FAM120A: variants seen among roughly 807,000 people sequenced by gnomAD.
FAM120A encodes the protein family with sequence similarity 120 member A, also known as constitutive coactivator of PPAR-gamma-like protein 1.
Under a neutral mutation model 109.7 loss-of-function variants are expected in FAM120A, and 15 were observed. The observed-to-expected ratio is 0.14, with a 90% CI of 0.09 to 0.21. FAM120A has a LOEUF of 0.21. Ranked by LOEUF, FAM120A falls within the 10% of genes least tolerant of loss-of-function variation. The pLI is 1.00. For missense variants in FAM120A, 899 were observed against 1,439.3 expected (o/e 0.62, Z 6.07); for synonymous variants, 493 against 572.8 (o/e 0.86, Z 1.99).
chr9:93,476,382 T>G (rs775065309), intron 3 of FAM120A, 44 bp downstream of exon 3: 1 of 1,298,636 alleles, frequency 7.7e-7, no homozygotes, highest in African/African-American at 1.5e-5. Flanking sequence ...AATAATCAAC[T>G]GTGAGTTTGC....
rs368824574 is a variant in FAM120A at position 93,491,586 on chromosome 9, G to A, written c.805-5885G>A. Among the ~76,000 whole-genome samples, 45 of 152,334 alleles carry A rather than the reference G, an allele frequency of 3.0e-4. 2 individuals carry two copies. The South Asian group carries it at 9.3e-3, about 32-fold the overall frequency. ...TATTATTTAATGATTCTGCCTGGAA[G>A]TAAAGGGGTAGGTTGAATCTTTCAA... On this transcript the variant is annotated intron_variant, in intron 3 of 17. Transcript: ENST00000277165.
chr9:93,466,876 C>T (rs1858046260), intron 1 of FAM120A, among the ~76,000 whole-genome samples: 1 of 152,082 alleles, frequency 6.6e-6, no homozygotes, highest in African/African-American at 2.4e-5. Flanking sequence ...TTGCTTTAAC[C>T]CTAGTGTTCC....
chr9:93,561,391 A>G, intron 16 of FAM120A, 141 bp downstream of exon 16: 1 of 806,740 alleles, frequency 1.2e-6, no homozygotes, highest in Non-Finnish European at 1.8e-6. Flanking sequence ...TTAATTATTT[A>G]GTTTTTATTT....
At chr9:93,547,809 C>T (rs976283855) in intron 11 of FAM120A, among the ~76,000 whole-genome samples, 5 of 152,128 alleles carry the variant, frequency 3.3e-5, no homozygotes, top group East Asian at 1.9e-4. Flanking sequence ...AGTTCTCAGC[C>T]GCTCTTATCT....
At chr9:93,462,955 T>A (rs979706070) in intron 1 of FAM120A, among the ~76,000 whole-genome samples, 1 of 152,230 alleles carries the variant, frequency 6.6e-6, no homozygotes, top group Non-Finnish European at 1.5e-5. Context: ...TTGGGTTTCA[T>A]CCTTTTTGTC....
At chr9:93,527,811 C>T (rs953426426) in intron 8 of FAM120A, among the ~76,000 whole-genome samples, 27 of 151,462 alleles carry the variant, frequency 1.8e-4, no homozygotes, top group African/African-American at 6.0e-4. Context: ...TTAGTAGAGA[C>T]GGGGTGTCGC....
intron 11 of FAM120A, among the ~76,000 whole-genome samples, chr9:93,544,914 A>T (rs1441836797): frequency 1.3e-5 from 2 of 152,116 alleles, no homozygotes; most frequent in African/African-American, 2.4e-5. Context: ...ACCGTCTCAC[A>T]TGGAAGTGCT....
intron 5 of FAM120A, among the ~76,000 whole-genome samples, chr9:93,511,038 A>T (rs886554791): frequency 6.6e-6 from 1 of 151,766 alleles, no homozygotes; most frequent in Non-Finnish European, 1.5e-5. Flanking sequence ...TCCAGCAGTC[A>T]GTAAAGCAAC....
Position 93,564,797 on chromosome 9 carries a change from A to C in FAM120A, c.*257A>C. 2.6e-6 allele frequency: 1 copy of C among 384,884 alleles called. No homozygotes were observed. Among genetic ancestry groups the C allele is most frequent in the Non-Finnish European group, 4.6e-6 (1 of 215,462 alleles). 23.8% of individuals were successfully genotyped at this position (384,884 alleles called of 1,614,324 possible). ...GCATTTGACTCCCGCACTTAAAATG[A>C]AGTACACATAAAGTTTAAACTGGTT... On this transcript the variant is annotated 3_prime_UTR_variant, in exon 18 of 18. Coordinates refer to ENST00000277165, the MANE Select transcript of FAM120A (RefSeq NM_014612.5).
At chr9:93,503,397 C>T (rs183339288) in intron 5 of FAM120A, among the ~76,000 whole-genome samples, 105 of 152,254 alleles carry the variant, frequency 6.9e-4, no homozygotes, top group Non-Finnish European at 1.1e-3. Flanking sequence ...AAATAATCAA[C>T]ACTAAAAAGC....
intron 10 of FAM120A, among the ~76,000 whole-genome samples, chr9:93,538,598 C>T (rs1041983977): frequency 6.6e-6 from 1 of 152,176 alleles, no homozygotes; most frequent in Non-Finnish European, 1.5e-5. Context: ...TATGAACAGG[C>T]GTGCATGCAT....
intron 3 of FAM120A, among the ~76,000 whole-genome samples, chr9:93,481,639 C>T (rs762714860): frequency 6.6e-6 from 1 of 152,194 alleles, no homozygotes; most frequent in African/African-American, 2.4e-5. Flanking sequence ...CTGAGCCCTT[C>T]GAGCTCCTTT....
In FAM120A at chr9:93,476,350, A is replaced by C; in HGVS notation, c.804+12A>C. The C allele has an allele frequency of 1.0e-5, 16 of 1,551,570 alleles. No homozygotes were observed. The highest frequency in any genetic ancestry group is 1.3e-5 in the Non-Finnish European group (15 of 1,125,296). On this transcript the variant is annotated intron_variant, in intron 3 of 17. Transcript: ENST00000277165. Reference sequence around the variant, plus strand: ...TAGCCTCACTAAAGGTACAAATTTCACTTTATTTTTCTAGCATTTGTAATA... The same window carrying C: ...TAGCCTCACTAAAGGTACAAATTTCCCTTTATTTTTCTAGCATTTGTAATA...
rs1862585954 is a variant in FAM120A at position 93,564,889 on chromosome 9, T to G, written c.*349T>G. ...AACAAATTTTGGCAGTCTTTAAGTA[T>G]ATATAGCTTAAAATATAATTTTTAG... On this transcript the variant is annotated 3_prime_UTR_variant, in exon 18 of 18. Coordinates refer to ENST00000277165, the MANE Select transcript of FAM120A (RefSeq NM_014612.5). The G allele has an allele frequency of 5.6e-6, 1 of 179,102 alleles. No homozygotes were observed. The highest frequency in any genetic ancestry group is 6.0e-5 in the Admixed American group (1 of 16,612). 11.1% of individuals were successfully genotyped at this position (179,102 alleles called of 1,614,324 possible). A position where few individuals can be genotyped will look rare whatever the true frequency, so the allele number is the denominator to read the frequency against.
intron 1 of FAM120A, among the ~76,000 whole-genome samples, chr9:93,456,605 G>T (rs1588770305): frequency 6.6e-6 from 1 of 152,158 alleles, no homozygotes; most frequent in East Asian, 1.9e-4. Flanking sequence ...TTAATCCTCA[G>T]AGTGCTTTGT....
At chr9:93,468,376 G>A (rs1043424866) in intron 1 of FAM120A, among the ~76,000 whole-genome samples, 4 of 152,346 alleles carry the variant, frequency 2.6e-5, no homozygotes, top group South Asian at 2.1e-4. Context: ...GTGAAGATGC[G>A]TAAGCTGTGC....
intron 5 of FAM120A, among the ~76,000 whole-genome samples, chr9:93,506,747 G>A (rs1280772738): frequency 6.6e-6 from 1 of 151,948 alleles, no homozygotes; most frequent in African/African-American, 2.4e-5. Flanking sequence ...ACAGGTGCCT[G>A]CCACCATGCC....
Position 93,527,149 on chromosome 9 carries a change from G to C in FAM120A, c.1419-6G>C, listed in dbSNP as rs754216270. On this transcript the variant is annotated splice_region_variant and splice_polypyrimidine_tract_variant and intron_variant, in intron 7 of 17. Coordinates refer to ENST00000277165, the MANE Select transcript of FAM120A (RefSeq NM_014612.5). ...TGGACAGTAATCATGTTCATTTTAT[G>C]TTTAGCCATATCAGCGGGAACAAGA... 6.2e-7 allele frequency: 1 copy of C among 1,613,518 alleles called. No homozygotes were observed. Among genetic ancestry groups the C allele is most frequent in the Non-Finnish European group, 8.5e-7 (1 of 1,179,468 alleles).
At chr9:93,543,661 T>C (rs528928176) in intron 11 of FAM120A, among the ~76,000 whole-genome samples, 190 bp downstream of exon 11, 1 of 152,384 alleles carries the variant, frequency 6.6e-6, no homozygotes, top group East Asian at 1.9e-4. Context: ...TATTTTAATT[T>C]ATATGATACA....
Sources: gnomAD v4.1 joint callset for allele counts (sites outside exome capture counted in the v4.1 genomes callset) on GRCh38, gnomAD v4.1.1 for gene constraint, MANE v1.5 for transcripts, NCBI Gene and HGNC (gene_info 2026-07-23, HGNC 2026-07-21) for gene names.